SMAD5: variants seen among roughly 807,000 people sequenced by gnomAD.
The protein encoded by SMAD5 is MAD, mothers against decapentaplegic homolog 5.
A neutral mutation model predicts 43.1 loss-of-function variants in SMAD5; 9 were observed. The ratio of observed to expected loss-of-function variants is 0.21; its 90% confidence interval spans 0.13 to 0.36. SMAD5 has a LOEUF of 0.36. SMAD5 is among the 10% of genes least tolerant of loss of function. The pLI, the probability that SMAD5 is intolerant of heterozygous loss-of-function variation, is 1.00. For synonymous variants in SMAD5, 190 were observed against 192.4 expected (o/e 0.99, Z 0.10); for missense variants, 348 against 574.0 (o/e 0.61, Z 4.02).
chr5:136,169,377 TC>T (rs1467268481), intron 5 of SMAD5, among the ~76,000 whole-genome samples: 5 of 152,144 alleles, frequency 3.3e-5, no homozygotes, highest in Non-Finnish European at 7.3e-5. Context: ...CAAATGTTAA[TC>T]TCCTTTGGCG....
At chr5:136,174,741 C>T (rs10515478) in intron 7 of SMAD5, 109 bp downstream of exon 7, 1 of 715,338 alleles carries the variant, frequency 1.4e-6, no homozygotes, top group Non-Finnish European at 2.3e-6. Context: ...TGCTTTTGGC[C>T]TGATTTAACA....
Position 136,161,084 on chromosome 5 carries a change from C to T in SMAD5, c.632C>T (p.Pro211Leu). 6.2e-7 allele frequency: 1 copy of T among 1,613,384 alleles called. No homozygotes were observed. The highest frequency in any genetic ancestry group is 8.5e-7 in the Non-Finnish European group (1 of 1,179,798). ...TYPNSPASSG[P>L]GSPFQLPADT... ...CCCAACTCCCCAGCAAGTTCTGGAC[C>T]AGGAAGTCCATTTCAGCTCCCAGGT... Residue 211 changes from proline to leucine, a missense_variant, in exon 4 of 8, where the codon CCA (proline) becomes CTA (leucine). Coordinates refer to ENST00000545279, the MANE Select transcript of SMAD5 (RefSeq NM_005903.7).
intron 7 of SMAD5, among the ~76,000 whole-genome samples, chr5:136,176,457 C>CA (rs60311104): frequency 0.016 from 1,076 of 68,456 alleles, 78 homozygotes; most frequent in African/African-American, 0.033. Context: ...CTCTGTCTCA[C>CA]AAAAAAAAAA....
At position 136,160,947 on chromosome 5, in the gene SMAD5, A is replaced by T; in HGVS notation, c.495A>T (p.Pro165=). 1 of 1,613,944 alleles carries T rather than the reference A, an allele frequency of 6.2e-7. No homozygotes were observed. Among genetic ancestry groups the T allele is most frequent in the Non-Finnish European group, 8.5e-7 (1 of 1,179,862 alleles). ...TTAGGAACCTGAGCCACAATGAACC[A>T]CACATGCCACAAAATGCCACGTTTC... ...VQFRNLSHNE[P]HMPQNATFPD... Residue 165 remains proline, a synonymous_variant, in exon 4 of 8, where the codon CCA becomes CCT. Transcript: ENST00000545279.
Position 136,154,174 on chromosome 5 carries a change from T to G in SMAD5, c.403+11T>G, listed in dbSNP as rs200418589. On this transcript the variant is annotated intron_variant, in intron 3 of 7. Coordinates refer to ENST00000545279, the MANE Select transcript of SMAD5 (RefSeq NM_005903.7). ...GAGTGGAGAGTCCAGGTAGGTCTTA[T>G]TCCTGAGAAGAATTTGGAAAAACAA... 11 of 1,469,928 alleles carry G rather than the reference T, an allele frequency of 7.5e-6. No individual in the cohort carries two copies. Among genetic ancestry groups the G allele is most frequent in the Admixed American group, 2.9e-5 (1 of 34,938 alleles). The allele number at this position is 1,469,928 out of a possible 1,614,324, so 91.1% of individuals were successfully genotyped here.
rs1180180710 is a variant in SMAD5 at position 136,138,673 on chromosome 5, C to T, written c.-245+5711C>T. ...AGGGTAAGAGATTTTTAAAGCTTTACCCCCACATCCCCCCTGCCCCCAAAA... is the reference window on the plus strand; with the variant it reads ...AGGGTAAGAGATTTTTAAAGCTTTATCCCCACATCCCCCCTGCCCCCAAAA... On this transcript the variant is annotated intron_variant, in intron 1 of 7. Coordinates refer to ENST00000545279, the MANE Select transcript of SMAD5 (RefSeq NM_005903.7). Among the ~76,000 whole-genome samples the T allele has an allele frequency of 5.3e-5, 8 of 151,592 alleles. No individual in the cohort carries two copies. The East Asian group carries it at 1.4e-3, about 26-fold the overall frequency.
At chr5:136,151,818 G>A (rs573201279) in intron 2 of SMAD5, among the ~76,000 whole-genome samples, 1 of 151,932 alleles carries the variant, frequency 6.6e-6, no homozygotes, top group Non-Finnish European at 1.5e-5. Flanking sequence ...TTTTGTTTGT[G>A]TGCCTTTGCC....
At position 136,179,631 on chromosome 5, in the gene SMAD5, C is replaced by G. The variant is rs1240719674; in HGVS notation, c.*2151C>G. On this transcript the variant is annotated 3_prime_UTR_variant, in exon 8 of 8. Coordinates refer to ENST00000545279, the MANE Select transcript of SMAD5 (RefSeq NM_005903.7). ...AGTTCTTTGCTGGGTAAAAGAAATA[C>G]TTTCTGACAGTCACCTGAGCCTTAA... The G allele has an allele frequency of 6.6e-6, 1 of 152,176 alleles. No individual in the cohort carries two copies. Among genetic ancestry groups the G allele is most frequent in the African/African-American group, 2.4e-5 (1 of 41,452 alleles). The allele number at this position is 152,176 out of a possible 1,614,324, so 9.4% of individuals were successfully genotyped here.
At chr5:136,161,224 C>A in intron 4 of SMAD5, 117 bp downstream of exon 4, 1 of 852,156 alleles carries the variant, frequency 1.2e-6, no homozygotes, top group Non-Finnish European at 1.8e-6. Context: ...CTGTTTCTGA[C>A]TCTTTATTCT....
chr5:136,161,714 A>G (rs1205749446), intron 4 of SMAD5, among the ~76,000 whole-genome samples: 1 of 152,226 alleles, frequency 6.6e-6, no homozygotes, highest in African/African-American at 2.4e-5. Flanking sequence ...TGTTAATGGC[A>G]TGTCATATAT....
chr5:136,175,562 C>T (rs1461758563), intron 7 of SMAD5, among the ~76,000 whole-genome samples: 1 of 152,140 alleles, frequency 6.6e-6, no homozygotes, highest in East Asian at 1.9e-4. Flanking sequence ...AAGATTTGTG[C>T]TTAAAATCTG....
chr5:136,153,153 A>G (rs1753522725), intron 2 of SMAD5, among the ~76,000 whole-genome samples: 2 of 152,148 alleles, frequency 1.3e-5, no homozygotes, highest in South Asian at 4.1e-4. Flanking sequence ...TAAAGAGAAT[A>G]ATGACCTTAG....
At chr5:136,146,170 A>G (rs530196156) in intron 1 of SMAD5, among the ~76,000 whole-genome samples, 2 of 151,894 alleles carry the variant, frequency 1.3e-5, no homozygotes, top group Non-Finnish European at 2.9e-5. Flanking sequence ...AAATAAGGCT[A>G]TAAGTGTGAG....
chr5:136,134,442 C>T (rs1476974171), intron 1 of SMAD5: 1 of 152,218 alleles, frequency 6.6e-6, no homozygotes, highest in African/African-American at 2.4e-5. Flanking sequence ...CTTACAATTT[C>T]TGCTAGATGC....
At chr5:136,148,112 A>G (rs1277965075) in intron 2 of SMAD5, among the ~76,000 whole-genome samples, 1 of 151,858 alleles carries the variant, frequency 6.6e-6, no homozygotes, top group African/African-American at 2.4e-5. Context: ...ATTAGCTTAT[A>G]GTAACTGTAA....
In SMAD5 at chr5:136,139,126, CTCTGTGTG is replaced by C. The variant is rs1187913455; in HGVS notation, c.-245+6166_-245+6173del. 3.1e-4 allele frequency among the ~76,000 whole-genome samples: 43 copies of C among 139,964 alleles called. 1 individual carries two copies. In the Middle Eastern group the frequency reaches 0.022, roughly 72 times the overall value. 91.8% of individuals were successfully genotyped at this position (139,964 alleles called of 152,430 possible). ...TTCACTTTAGAAATCTAGCTGTGAGCTCTGTGTGTGTGTGTGTGTGTGTGTGTGTGTGT... is the reference window on the plus strand; with the variant it reads ...TTCACTTTAGAAATCTAGCTGTGAGCTGTGTGTGTGTGTGTGTGTGTGTGT... On this transcript the variant is annotated intron_variant, in intron 1 of 7. Transcript: ENST00000545279.
chr5:136,181,073 A>C lies in SMAD5; in HGVS notation c.*3593A>C, dbSNP rs989253788. The C allele has an allele frequency of 3.9e-5, 6 of 152,166 alleles. No homozygotes were observed. The highest frequency in any genetic ancestry group is 1.2e-4 in the African/African-American group (5 of 41,462). 9.4% of individuals were successfully genotyped at this position (152,166 alleles called of 1,614,324 possible). On this transcript the variant is annotated 3_prime_UTR_variant, in exon 8 of 8. Coordinates refer to ENST00000545279, the MANE Select transcript of SMAD5 (RefSeq NM_005903.7). ...AACTCTAAAAAGTTTGATAGTACCTATCAAAGTGCTGTACTTCTGTGATAG... is the reference window on the plus strand; with the variant it reads ...AACTCTAAAAAGTTTGATAGTACCTCTCAAAGTGCTGTACTTCTGTGATAG...
Position 136,178,171 on chromosome 5 carries a change from A to G in SMAD5, c.*691A>G, listed in dbSNP as rs1754494045. On this transcript the variant is annotated 3_prime_UTR_variant, in exon 8 of 8. Transcript: ENST00000545279. ...TCCTTTTTTAAAAAAATTTTTGCAA[A>G]TAACTGATCTCAAGTATATGTCATT... 1 of 152,672 alleles carries G rather than the reference A, an allele frequency of 6.5e-6. No homozygotes were observed. Among genetic ancestry groups the G allele is most frequent in the African/African-American group, 2.4e-5 (1 of 41,466 alleles). The allele number at this position is 152,672 out of a possible 1,614,324, so 9.5% of individuals were successfully genotyped here.
rs940492745 is a variant in SMAD5, at chr5:136,169,981, A to G, written c.776-2453A>G. ...ATCAGATTGTTTTTGAGTTCTTTGT[A>G]TATTTTGAATTATAGTCTTTTATCA... On this transcript the variant is annotated intron_variant, in intron 5 of 7. Transcript: ENST00000545279. Among the ~76,000 whole-genome samples the G allele has an allele frequency of 1.8e-4, 27 of 152,080 alleles. No homozygotes were observed. The South Asian group carries it at 2.3e-3, about 13-fold the overall frequency.
Sources: allele counts gnomAD v4.1 joint callset (sites outside exome capture counted in the v4.1 genomes callset), GRCh38; gene constraint gnomAD v4.1.1; transcripts MANE v1.5; gene names NCBI Gene and HGNC (gene_info 2026-07-23, HGNC 2026-07-21).